Variants in CHD7 observed in about 807,000 individuals in gnomAD.
CHD7 encodes ATP-dependent chromatin remodeler CHD7.
A neutral mutation model predicts 307.3 loss-of-function variants in CHD7; 24 were observed. The ratio of observed to expected loss-of-function variants is 0.08; its 90% CI spans 0.06 to 0.11. The LOEUF (loss-of-function observed/expected upper bound fraction) is 0.11, where lower values mean the gene tolerates loss of function less well. Among genes scored for constraint, CHD7 ranks in the 10% least tolerant of loss-of-function variants. The pLI, the probability that CHD7 is intolerant of heterozygous loss-of-function variation, is 1.00. For synonymous variants in CHD7, 1,363 were observed against 1,349.9 expected (o/e 1.01, Z -0.21); for missense variants, 3,106 against 3,727.1 (o/e 0.83, Z 4.34).
intron 34 of CHD7, 112 bp from the exon 35 acceptor site, chr8:60,860,792 A>G (rs1382058147): frequency 4.5e-5 from 37 of 828,626 alleles, no homozygotes; most frequent in Non-Finnish European, 6.1e-5. Flanking sequence ...TCTAGTAACT[A>G]TTTTCTCTTT....
At chr8:60,706,063 A>G (rs1807008966) in intron 1 of CHD7, among the ~76,000 whole-genome samples, 1 of 152,132 alleles carries the variant, frequency 6.6e-6, no homozygotes, top group African/African-American at 2.4e-5. Flanking sequence ...GGCATTCTAA[A>G]AGGATACATT....
intron 2 of CHD7, among the ~76,000 whole-genome samples, chr8:60,761,101 G>A (rs909203113): frequency 3.9e-5 from 6 of 151,984 alleles, no homozygotes; most frequent in Non-Finnish European, 2.9e-5. Flanking sequence ...CCAAATGTCC[G>A]ACAATGATAG....
intron 14 of CHD7, 102 bp from the exon 15 acceptor site, chr8:60,830,220 T>C: frequency 8.2e-7 from 1 of 1,223,572 alleles, no homozygotes; most frequent in Non-Finnish European, 1.1e-6. Context: ...AAAATGAAAA[T>C]GGATGTTTAA....
intron 24 of CHD7, 64 bp downstream of exon 24, chr8:60,848,668 A>G (rs998230196): frequency 2.3e-6 from 3 of 1,291,918 alleles, no homozygotes; most frequent in African/African-American, 2.9e-5. Flanking sequence ...GGAAAACATC[A>G]TGGATTGTGT....
At chr8:60,832,982 T>C (rs959758178) in intron 15 of CHD7, among the ~76,000 whole-genome samples, 9 of 152,292 alleles carry the variant, frequency 5.9e-5, no homozygotes, top group Middle Eastern at 6.8e-3. Context: ...GGGGAAGTTA[T>C]AGTGAAAAAG....
chr8:60,711,109 T>C (rs916038953), intron 1 of CHD7, among the ~76,000 whole-genome samples: 1 of 152,358 alleles, frequency 6.6e-6, no homozygotes, highest in Non-Finnish European at 1.5e-5. Flanking sequence ...TTCTGCTCCA[T>C]GTACAAGTAC....
intron 2 of CHD7, among the ~76,000 whole-genome samples, chr8:60,755,045 T>A (rs1196202599): frequency 1.3e-5 from 2 of 152,214 alleles, no homozygotes; most frequent in African/African-American, 4.8e-5. Flanking sequence ...AGTGGATGGG[T>A]TCCTGTTGAC....
intron 27 of CHD7, 62 bp downstream of exon 27, chr8:60,851,166 C>G: frequency 1.4e-6 from 2 of 1,473,144 alleles, no homozygotes; most frequent in Non-Finnish European, 1.9e-6. Flanking sequence ...CCACATAAGA[C>G]TTGTTAAACT....
intron 15 of CHD7, among the ~76,000 whole-genome samples, chr8:60,833,337 G>A (rs541224229): frequency 6.6e-6 from 1 of 152,342 alleles, no homozygotes; most frequent in Admixed American, 6.5e-5. Context: ...GTTTTGCAAT[G>A]TGAAGTTAAG....
intron 1 of CHD7, among the ~76,000 whole-genome samples, chr8:60,719,683 CCT>C (rs1466185290): frequency 1.3e-5 from 2 of 152,160 alleles, no homozygotes; most frequent in African/African-American, 4.8e-5. Flanking sequence ...GGGGGACCCT[CCT>C]CATTCGGCAG....
chr8:60,785,096 G>C (rs1009754928), intron 3 of CHD7, among the ~76,000 whole-genome samples: 1 of 152,174 alleles, frequency 6.6e-6, no homozygotes, highest in African/African-American at 2.4e-5. Flanking sequence ...CCTTTTCAAT[G>C]CATTTTCTGT....
intron 1 of CHD7, among the ~76,000 whole-genome samples, chr8:60,734,185 G>A (rs1808591156): frequency 6.6e-6 from 1 of 152,222 alleles, no homozygotes; most frequent in South Asian, 2.1e-4. Flanking sequence ...TGAGTGGTCA[G>A]TGTGCTATCC....
At chr8:60,710,492 G>A (rs1343846652) in intron 1 of CHD7, among the ~76,000 whole-genome samples, 5 of 152,122 alleles carry the variant, frequency 3.3e-5, no homozygotes, top group African/African-American at 9.7e-5. Flanking sequence ...CCTTTCTAAC[G>A]TGCAATTGAT....
At chr8:60,812,625 T>C (rs1202622397) in intron 7 of CHD7, among the ~76,000 whole-genome samples, 2 of 149,344 alleles carry the variant, frequency 1.3e-5, no homozygotes, top group African/African-American at 2.5e-5. Flanking sequence ...GATTGCGCCA[T>C]TGCACTCCAG....
intron 2 of CHD7, among the ~76,000 whole-genome samples, chr8:60,772,006 G>T (rs1810736393): frequency 6.6e-6 from 1 of 152,166 alleles, no homozygotes; most frequent in African/African-American, 2.4e-5. Flanking sequence ...TATTCTGTTG[G>T]CTTGAGGGTC....
intron 1 of CHD7, among the ~76,000 whole-genome samples, chr8:60,684,278 G>C (rs572921954): frequency 1.2e-4 from 19 of 152,262 alleles, no homozygotes; most frequent in Admixed American, 1.2e-3. Flanking sequence ...TGCTTCCTCT[G>C]TGCATGTCAG....
At chr8:60,850,761 T>G in intron 26 of CHD7, 139 bp downstream of exon 26, 5 of 873,114 alleles carry the variant, frequency 5.7e-6, no homozygotes. Context: ...CTACTCTATT[T>G]GTATGTCGTA....
chr8:60,830,044 C>G (rs563585503), intron 14 of CHD7, among the ~76,000 whole-genome samples: 1 of 152,328 alleles, frequency 6.6e-6, no homozygotes, highest in South Asian at 2.1e-4. Context: ...GGGAAAGCTA[C>G]ATGAATCAGT....
At chr8:60,773,386 A>G (rs1207605619) in intron 2 of CHD7, among the ~76,000 whole-genome samples, 1 of 152,254 alleles carries the variant, frequency 6.6e-6, no homozygotes, top group Non-Finnish European at 1.5e-5. Context: ...TGGCACATGT[A>G]AAAACATCAT....
Sources: allele counts gnomAD v4.1 joint callset (sites outside exome capture counted in the v4.1 genomes callset), GRCh38; gene constraint gnomAD v4.1.1; transcripts MANE v1.5; gene names NCBI Gene and HGNC (gene_info 2026-07-23, HGNC 2026-07-21).